PACRG: variants seen among roughly 807,000 people sequenced by gnomAD.
PACRG encodes parkin coregulated gene protein.
Under a neutral mutation model 29.7 loss-of-function variants are expected in PACRG, and 29 were observed. The ratio of observed to expected loss-of-function variants is 0.98; its 90% CI spans 0.73 to 1.33. The LOEUF is 1.33. Ranked by LOEUF, PACRG falls within the 40% of genes most tolerant of loss-of-function variation. PACRG has a pLI of 0.00. For synonymous variants in PACRG, 116 were observed against 118.7 expected (o/e 0.98, Z 0.15); for missense variants, 279 against 316.2 (o/e 0.88, Z 0.89).
intron 4 of PACRG, among the ~76,000 whole-genome samples, chr6:163,248,860 A>G (rs1365815089): frequency 6.6e-6 from 1 of 151,998 alleles, no homozygotes. Context: ...TAAAAAAAAT[A>G]CAAACAATTA....
At chr6:163,274,031 G>GT (rs202214874) in intron 4 of PACRG, among the ~76,000 whole-genome samples, 30 of 151,078 alleles carry the variant, frequency 2.0e-4, no homozygotes, top group South Asian at 1.9e-3. Flanking sequence ...TTTCTTTTTA[G>GT]TTTTTTTTTA....
intron 4 of PACRG, among the ~76,000 whole-genome samples, chr6:163,095,735 C>T (rs1173945277): frequency 6.6e-6 from 1 of 152,052 alleles, no homozygotes; most frequent in East Asian, 1.9e-4. Flanking sequence ...AGAATACCAG[C>T]CCTCATAAGG....
intron 2 of PACRG, among the ~76,000 whole-genome samples, chr6:162,989,660 T>A (rs1803243067): frequency 6.6e-6 from 1 of 152,148 alleles, no homozygotes; most frequent in South Asian, 2.1e-4. Context: ...TTTTCAATCC[T>A]TGGATTGAAT....
At chr6:163,285,395 G>A (rs916501151) in intron 4 of PACRG, among the ~76,000 whole-genome samples, 1 of 152,010 alleles carries the variant, frequency 6.6e-6, no homozygotes, top group African/African-American at 2.4e-5. Flanking sequence ...TAGATCTCCC[G>A]TCTAAGCTCC....
At chr6:163,065,372 A>G (rs1811444711) in intron 3 of PACRG, among the ~76,000 whole-genome samples, 2 of 152,184 alleles carry the variant, frequency 1.3e-5, no homozygotes, top group South Asian at 4.2e-4. Flanking sequence ...ATCCAGTAGG[A>G]AAAGACAAAT....
chr6:162,898,648 G>A (rs540107044), intron 2 of PACRG, among the ~76,000 whole-genome samples: 1 of 152,270 alleles, frequency 6.6e-6, no homozygotes, highest in East Asian at 1.9e-4. Context: ...TGCAAGTGAG[G>A]ATAATCATAG....
intron 4 of PACRG, among the ~76,000 whole-genome samples, chr6:163,248,981 A>C (rs1782798058): frequency 6.8e-6 from 1 of 146,236 alleles, no homozygotes; most frequent in Non-Finnish European, 1.5e-5. Flanking sequence ...ACGCCACTGC[A>C]CTCCAGCCTG....
intron 4 of PACRG, chr6:163,112,061 A>C: frequency 1.0e-6 from 1 of 961,586 alleles, no homozygotes; most frequent in Non-Finnish European, 1.2e-6. Context: ...TCATTGAGGA[A>C]TTTTTAAAAG....
At chr6:163,100,864 A>G (rs928294871) in intron 4 of PACRG, 113 of 983,898 alleles carry the variant, frequency 1.1e-4, no homozygotes, top group Middle Eastern at 1.0e-3. Flanking sequence ...TATTATTGAT[A>G]TTTTCTTGCT....
At chr6:162,845,506 A>C (rs903753677) in intron 2 of PACRG, among the ~76,000 whole-genome samples, 1 of 152,128 alleles carries the variant, frequency 6.6e-6, no homozygotes, top group African/African-American at 2.4e-5. Flanking sequence ...TTTCAAGTAT[A>C]CACAGTTTTA....
rs1398198187 is a variant in PACRG at position 163,007,461 on chromosome 6, A to T, written c.292-54689A>T. ...TTCTTGAAGTGCAGATTGGCTGGTT[A>T]TAAATTCCTTTGTATGTATGAAATG... On this transcript the variant is annotated intron_variant, in intron 2 of 4. Coordinates refer to ENST00000366888, the MANE Select transcript of PACRG (RefSeq NM_001080379.2). Among the ~76,000 whole-genome samples the T allele has an allele frequency of 5.3e-5, 8 of 152,160 alleles. No individual in the cohort carries two copies. The East Asian group carries it at 1.5e-3, about 29-fold the overall frequency.
chr6:162,884,728 C>T (rs188099211), intron 2 of PACRG, among the ~76,000 whole-genome samples: 122 of 152,230 alleles, frequency 8.0e-4, no homozygotes, highest in African/African-American at 2.8e-3. Flanking sequence ...GTCACCGTCT[C>T]TTCTGTGGAG....
chr6:162,941,284 C>T (rs143346343), intron 2 of PACRG, among the ~76,000 whole-genome samples: 158 of 152,242 alleles, frequency 1.0e-3, no homozygotes, highest in African/African-American at 3.5e-3. Flanking sequence ...TGGCTCCCGC[C>T]CTGTGACTCC....
chr6:163,059,956 C>G (rs1004201088), intron 2 of PACRG, among the ~76,000 whole-genome samples: 1 of 152,020 alleles, frequency 6.6e-6, no homozygotes, highest in Non-Finnish European at 1.5e-5. Context: ...TTATCTCTCA[C>G]TAAGATAAAT....
chr6:163,105,802 A>C (rs1815350107), intron 4 of PACRG, among the ~76,000 whole-genome samples: 1 of 152,150 alleles, frequency 6.6e-6, no homozygotes, highest in East Asian at 1.9e-4. Flanking sequence ...CTCCTCCCTT[A>C]AACATTGATG....
At position 163,135,258 on chromosome 6, in the gene PACRG, G is replaced by A. The variant is rs1027768685; in HGVS notation, c.613+45850G>A. Among the ~76,000 whole-genome samples the A allele has an allele frequency of 9.9e-5, 15 of 151,040 alleles. No homozygotes were observed. In the East Asian group the frequency reaches 2.1e-3, roughly 22 times the overall value. On this transcript the variant is annotated intron_variant, in intron 4 of 4. Coordinates refer to ENST00000366888, the MANE Select transcript of PACRG (RefSeq NM_001080379.2). ...GGCTGGAGTACAGTGGCACAATCTC[G>A]GCTCACTGCAGCCTCCACCTCCTCG...
rs372762254 is a variant in PACRG at position 163,043,484 on chromosome 6, G to A, written c.292-18666G>A. Among the ~76,000 whole-genome samples the A allele has an allele frequency of 7.2e-5, 11 of 152,142 alleles. No homozygotes were observed. In the East Asian group the frequency reaches 1.2e-3, roughly 16 times the overall value. ...GGAGAACTGCTTGAACCCAGGAGGC[G>A]GAGCTTGCAGTGAGCCGAGATCGCA... On this transcript the variant is annotated intron_variant, in intron 2 of 4. Coordinates refer to ENST00000366888, the MANE Select transcript of PACRG (RefSeq NM_001080379.2).
intron 4 of PACRG, among the ~76,000 whole-genome samples, chr6:163,264,165 T>C (rs1397330520): frequency 1.3e-5 from 2 of 152,168 alleles, no homozygotes; most frequent in African/African-American, 4.8e-5. Context: ...CATCGGGGAA[T>C]GTAACTTCTC....
chr6:163,100,359 A>G (rs540559777), intron 4 of PACRG, among the ~76,000 whole-genome samples: 5 of 152,260 alleles, frequency 3.3e-5, no homozygotes, highest in Admixed American at 2.6e-4. Context: ...CCCGGACTCC[A>G]GCCCTGCTGC....
Sources: allele counts gnomAD v4.1 joint callset (sites outside exome capture counted in the v4.1 genomes callset), GRCh38; gene constraint gnomAD v4.1.1; transcripts MANE v1.5; gene names NCBI Gene and HGNC (gene_info 2026-07-23, HGNC 2026-07-21).